The following EFNA5 variants were observed in gnomAD, a reference collection of about 807,000 sequenced individuals.
EFNA5 encodes the protein ephrin A5, also known as ephrin-A5.
A neutral mutation model predicts 22.9 loss-of-function variants in EFNA5; 5 were observed. The ratio of observed to expected loss-of-function variants is 0.22; its 90% CI spans 0.11 to 0.46. The LOEUF (loss-of-function observed/expected upper bound fraction) is 0.46. Among genes scored for constraint, EFNA5 ranks in the 20% least tolerant of loss-of-function variants. EFNA5 has a pLI of 0.99. For synonymous variants in EFNA5, 113 were observed against 112.2 expected (o/e 1.01, Z -0.04); for missense variants, 237 against 293.3 (o/e 0.81, Z 1.40).
At chr5:107,583,406 A>T (rs1749109094) in intron 1 of EFNA5, among the ~76,000 whole-genome samples, 1 of 152,220 alleles carries the variant, frequency 6.6e-6, no homozygotes, top group Non-Finnish European at 1.5e-5. Context: ...TTTGGATATA[A>T]AAATATTAAT....
chr5:107,484,289 A>T (rs1746516064), intron 1 of EFNA5, among the ~76,000 whole-genome samples: 1 of 152,156 alleles, frequency 6.6e-6, no homozygotes, highest in African/African-American at 2.4e-5. Context: ...CCACAGTGAG[A>T]GAGGGCGCCT....
At chr5:107,438,336 A>G (rs1385683038) in intron 1 of EFNA5, among the ~76,000 whole-genome samples, 1 of 152,158 alleles carries the variant, frequency 6.6e-6, no homozygotes, top group Non-Finnish European at 1.5e-5. Flanking sequence ...AGGTGCCTCT[A>G]TTTGAGAGGG....
chr5:107,503,025 T>C (rs1037133601), intron 1 of EFNA5, among the ~76,000 whole-genome samples: 7 of 152,128 alleles, frequency 4.6e-5, no homozygotes, highest in Admixed American at 3.3e-4. Context: ...TGAAATTGAA[T>C]TGAGAACTTG....
intron 1 of EFNA5, among the ~76,000 whole-genome samples, chr5:107,483,510 T>C (rs914630740): frequency 1.3e-5 from 2 of 152,134 alleles, no homozygotes; most frequent in African/African-American, 4.8e-5. Context: ...GAATAGAGCC[T>C]GGATAAATCT....
chr5:107,584,524 T>G (rs1161414223), intron 1 of EFNA5, among the ~76,000 whole-genome samples: 2 of 152,236 alleles, frequency 1.3e-5, no homozygotes, highest in Non-Finnish European at 2.9e-5. Context: ...AGTTGGACAT[T>G]TCTCTCTCAA....
intron 1 of EFNA5, among the ~76,000 whole-genome samples, chr5:107,519,036 A>G (rs1388250661): frequency 1.3e-5 from 2 of 152,228 alleles, no homozygotes; most frequent in East Asian, 3.8e-4. Context: ...CTATTTCTAT[A>G]ATATGTTATT....
At chr5:107,464,450 T>G (rs1749922912) in intron 1 of EFNA5, among the ~76,000 whole-genome samples, 2 of 152,154 alleles carry the variant, frequency 1.3e-5, no homozygotes, top group African/African-American at 4.8e-5. Context: ...CAAAATCGAT[T>G]GTTGTGTACA....
At chr5:107,426,284 T>C (rs562835513) in intron 2 of EFNA5, among the ~76,000 whole-genome samples, 5 of 152,338 alleles carry the variant, frequency 3.3e-5, no homozygotes, top group Admixed American at 6.5e-5. Flanking sequence ...ATATAAATAC[T>C]AGTTAAAGTC....
At chr5:107,615,728 A>G (rs1749899640) in intron 1 of EFNA5, among the ~76,000 whole-genome samples, 1 of 152,198 alleles carries the variant, frequency 6.6e-6, no homozygotes, top group African/African-American at 2.4e-5. Context: ...CTGACTAATC[A>G]TTCTTTTAGC....
At chr5:107,631,599 A>G (rs957664785) in intron 1 of EFNA5, among the ~76,000 whole-genome samples, 1 of 152,126 alleles carries the variant, frequency 6.6e-6, no homozygotes, top group African/African-American at 2.4e-5. Flanking sequence ...TCTTTATATA[A>G]TTGTATAATT....
chr5:107,580,481 T>C (rs1388886321), intron 1 of EFNA5, among the ~76,000 whole-genome samples: 1 of 151,564 alleles, frequency 6.6e-6, no homozygotes, highest in Non-Finnish European at 1.5e-5. Flanking sequence ...TCCCAGCACT[T>C]TGGGAGGCCC....
chr5:107,470,765 C>A (rs1291544480), intron 1 of EFNA5, among the ~76,000 whole-genome samples: 1 of 151,904 alleles, frequency 6.6e-6, no homozygotes, highest in African/African-American at 2.4e-5. Flanking sequence ...GACATGTCCA[C>A]AAGAATGATG....
chr5:107,540,164 C>A (rs557083961), intron 1 of EFNA5, among the ~76,000 whole-genome samples: 13 of 152,056 alleles, frequency 8.5e-5, no homozygotes, highest in African/African-American at 3.1e-4. Context: ...GGGCAAGAGT[C>A]AAAAAGCAAA....
intron 1 of EFNA5, among the ~76,000 whole-genome samples, chr5:107,518,581 C>CAAAA (rs11376049): frequency 1.4e-5 from 2 of 147,536 alleles, no homozygotes; most frequent in African/African-American, 4.9e-5. Context: ...TACACCATGC[C>CAAAA]AAAAAAAAAA....
intron 1 of EFNA5, among the ~76,000 whole-genome samples, chr5:107,657,270 T>C (rs966460423): frequency 1.1e-4 from 16 of 152,120 alleles, no homozygotes; most frequent in African/African-American, 3.1e-4. Context: ...AACAAATCCA[T>C]TCCTATTCCT....
intron 1 of EFNA5, among the ~76,000 whole-genome samples, chr5:107,630,596 A>C (rs918248511): frequency 6.6e-6 from 1 of 151,842 alleles, no homozygotes; most frequent in Non-Finnish European, 1.5e-5. Flanking sequence ...GTGAGTGGTG[A>C]CTGAATATGA....
intron 1 of EFNA5, among the ~76,000 whole-genome samples, chr5:107,526,193 G>T (rs1747693331): frequency 1.3e-5 from 2 of 152,202 alleles, no homozygotes; most frequent in African/African-American, 4.8e-5. Context: ...TGAGCCCTAT[G>T]TTATTCTAGA....
At chr5:107,533,380 T>C (rs879642658) in intron 1 of EFNA5, among the ~76,000 whole-genome samples, 3 of 152,194 alleles carry the variant, frequency 2.0e-5, no homozygotes, top group Non-Finnish European at 4.4e-5. Context: ...ATTGGGCTTC[T>C]TTCTATCTCC....
chr5:107,544,194 T>C lies in EFNA5; in HGVS notation c.126-116685A>G, dbSNP rs77613404. 1.1e-3 allele frequency among the ~76,000 whole-genome samples: 164 copies of C among 152,262 alleles called. 1 individual carries two copies. In the East Asian group the frequency reaches 0.03, roughly 28 times the overall value. On this transcript the variant is annotated intron_variant, in intron 1 of 4. Coordinates refer to ENST00000333274, the MANE Select transcript of EFNA5 (RefSeq NM_001962.3). ...TTTAGGAAACAGAGAAAATGGGCAA[T>C]AAGGATCTCCCTCCTAGAGAGCACT...
Sources: gnomAD v4.1 joint callset for allele counts (sites outside exome capture counted in the v4.1 genomes callset) on GRCh38, gnomAD v4.1.1 for gene constraint, MANE v1.5 for transcripts, NCBI Gene and HGNC (gene_info 2026-07-23, HGNC 2026-07-21) for gene names.